Variants in PRKCA observed in about 807,000 individuals in gnomAD.
The protein encoded by PRKCA is protein kinase C alpha type.
Under a neutral mutation model 87.0 loss-of-function variants are expected in PRKCA, and 27 were observed. The ratio of observed to expected loss-of-function variants is 0.31; its 90% CI spans 0.23 to 0.43. PRKCA has a LOEUF of 0.43. PRKCA is among the 20% of genes least tolerant of loss of function. The probability of loss-of-function intolerance (pLI) is 1.00; values close to 1 mark genes in which losing one functional copy is unlikely to be tolerated. For synonymous variants in PRKCA, 329 were observed against 311.1 expected (o/e 1.06, Z -0.61); for missense variants, 518 against 852.3 (o/e 0.61, Z 4.88).
chr17:66,579,362 T>G (rs1419759201), intron 3 of PRKCA, among the ~76,000 whole-genome samples: 1 of 152,136 alleles, frequency 6.6e-6, no homozygotes, highest in Non-Finnish European at 1.5e-5. Context: ...AGAAAGATGT[T>G]TCCGGAACCT....
intron 3 of PRKCA, among the ~76,000 whole-genome samples, chr17:66,588,635 C>CTTTTTTTTTTTTTTT (rs397856363): frequency 2.6e-5 from 1 of 39,108 alleles, no homozygotes; most frequent in Non-Finnish European, 4.5e-5. Flanking sequence ...TTTTGCTTTG[C>CTTTTTTTTTTTTTTT]TTTTTTTTTT....
chr17:66,314,544 G>A (rs1055608617), intron 2 of PRKCA, among the ~76,000 whole-genome samples: 9 of 152,180 alleles, frequency 5.9e-5, no homozygotes, highest in African/African-American at 2.2e-4. Context: ...TAGCGTAAGG[G>A]CAGTTCATCT....
intron 2 of PRKCA, among the ~76,000 whole-genome samples, chr17:66,439,324 G>A (rs936495693): frequency 2.6e-5 from 4 of 152,062 alleles, no homozygotes; most frequent in Non-Finnish European, 5.9e-5. Context: ...GGGACTACAG[G>A]TGTGCACCAC....
At chr17:66,782,132 T>G (rs1312028601) in intron 14 of PRKCA, among the ~76,000 whole-genome samples, 6 of 152,084 alleles carry the variant, frequency 3.9e-5, no homozygotes, top group Non-Finnish European at 5.9e-5. Context: ...CAGGCTGGTC[T>G]CAAACTCTTG....
At chr17:66,662,442 C>T (rs1472970605) in intron 5 of PRKCA, among the ~76,000 whole-genome samples, 1 of 152,136 alleles carries the variant, frequency 6.6e-6, no homozygotes, top group African/African-American at 2.4e-5. Context: ...CAGCTTGAGA[C>T]ATCCGTGGTT....
rs942257055 is a variant in PRKCA at position 66,489,382 on chromosome 17, T to C, written c.206-6819T>C. On this transcript the variant is annotated intron_variant, in intron 2 of 16. Coordinates refer to ENST00000413366, the MANE Select transcript of PRKCA (RefSeq NM_002737.3). ...ATATATATATATATATATATATATATATATATATATATATTTCCCCCCTCA... is the reference window on the plus strand; with the variant it reads ...ATATATATATATATATATATATATACATATATATATATATTTCCCCCCTCA... Among the ~76,000 whole-genome samples, 70 of 119,110 alleles carry C rather than the reference T, an allele frequency of 5.9e-4. 1 individual carries two copies. The highest frequency in any genetic ancestry group is 1.0e-3 in the Non-Finnish European group (56 of 55,802). The allele number at this position is 119,110 out of a possible 152,430, so 78.1% of individuals were successfully genotyped here. A position where few individuals can be genotyped will look rare whatever the true frequency, so the allele number is the denominator to read the frequency against.
intron 2 of PRKCA, among the ~76,000 whole-genome samples, chr17:66,320,154 C>T (rs1478079367): frequency 6.6e-6 from 1 of 152,054 alleles, no homozygotes; most frequent in Non-Finnish European, 1.5e-5. Flanking sequence ...AAGAAAGGAC[C>T]GTAGAGGCTG....
intron 2 of PRKCA, among the ~76,000 whole-genome samples, chr17:66,328,156 T>C (rs939734828): frequency 6.6e-6 from 1 of 152,152 alleles, no homozygotes; most frequent in Non-Finnish European, 1.5e-5. Flanking sequence ...TCCTCCTGCC[T>C]CAGCCTCCAG....
At chr17:66,563,543 G>A (rs1330932187) in intron 3 of PRKCA, among the ~76,000 whole-genome samples, 3 of 152,262 alleles carry the variant, frequency 2.0e-5, no homozygotes, top group Middle Eastern at 3.4e-3. Flanking sequence ...CATCATCTGG[G>A]TATACCATGG....
chr17:66,584,510 G>A (rs1417059075), intron 3 of PRKCA, among the ~76,000 whole-genome samples: 2 of 152,184 alleles, frequency 1.3e-5, no homozygotes, highest in African/African-American at 4.8e-5. Context: ...ACAGGCATGA[G>A]CCACCGTGCC....
intron 3 of PRKCA, among the ~76,000 whole-genome samples, chr17:66,608,991 C>T (rs539255363): frequency 6.6e-6 from 1 of 152,292 alleles, no homozygotes; most frequent in Admixed American, 6.5e-5. Flanking sequence ...AACAGGAAGG[C>T]GAACGAGGCC....
intron 8 of PRKCA, among the ~76,000 whole-genome samples, chr17:66,730,597 C>A (rs926070311): frequency 3.3e-5 from 5 of 152,258 alleles, no homozygotes; most frequent in Admixed American, 3.3e-4. Context: ...TTGGTGCTGG[C>A]GGGAGTTTCC....
chr17:66,754,897 A>G (rs996910877), intron 13 of PRKCA, among the ~76,000 whole-genome samples: 1 of 152,074 alleles, frequency 6.6e-6, no homozygotes, highest in Non-Finnish European at 1.5e-5. Flanking sequence ...CACCTTGATG[A>G]GTTCATTCTC....
Position 66,780,091 on chromosome 17 carries a change from C to T in PRKCA, c.1605+6024C>T, listed in dbSNP as rs924403177. 2.0e-5 allele frequency among the ~76,000 whole-genome samples: 3 copies of T among 152,124 alleles called. No individual in the cohort carries two copies. The South Asian group carries it at 6.2e-4, about 31-fold the overall frequency. ...GAGCCTAGAGAGACTTAACAAAGGC[C>T]GTAAATGTGTTCACATTTTTTTAGG... is the stretch of plus-strand genomic sequence containing the variant. On this transcript the variant is annotated intron_variant, in intron 14 of 16. Coordinates refer to ENST00000413366, the MANE Select transcript of PRKCA (RefSeq NM_002737.3).
intron 2 of PRKCA, among the ~76,000 whole-genome samples, chr17:66,451,130 A>C (rs1333812758): frequency 2.6e-5 from 4 of 152,206 alleles, no homozygotes; most frequent in African/African-American, 9.6e-5. Flanking sequence ...TAATATCTTA[A>C]TTTAAAATGA....
At chr17:66,427,328 G>A (rs1405916054) in intron 2 of PRKCA, among the ~76,000 whole-genome samples, 1 of 152,186 alleles carries the variant, frequency 6.6e-6, no homozygotes, top group Non-Finnish European at 1.5e-5. Flanking sequence ...CACCATGCCT[G>A]GCCTCACTTG....
chr17:66,525,948 A>G (rs1326638521), intron 3 of PRKCA, among the ~76,000 whole-genome samples: 1 of 152,174 alleles, frequency 6.6e-6, no homozygotes, highest in Non-Finnish European at 1.5e-5. Flanking sequence ...AATACTTCCT[A>G]TAAATAAACA....
intron 2 of PRKCA, among the ~76,000 whole-genome samples, chr17:66,377,046 A>G (rs1447247277): frequency 1.4e-5 from 2 of 146,858 alleles, no homozygotes; most frequent in East Asian, 2.1e-4. Flanking sequence ...TTTATTTGAG[A>G]TGGAGTTTCA....
At chr17:66,585,800 G>A (rs939811746) in intron 3 of PRKCA, among the ~76,000 whole-genome samples, 3 of 152,246 alleles carry the variant, frequency 2.0e-5, no homozygotes, top group Admixed American at 6.5e-5. Flanking sequence ...TAAAGTGAAG[G>A]TGACGGTGTC....
Sources: gnomAD v4.1 joint callset for allele counts (sites outside exome capture counted in the v4.1 genomes callset) on GRCh38, gnomAD v4.1.1 for gene constraint, MANE v1.5 for transcripts, NCBI Gene and HGNC (gene_info 2026-07-23, HGNC 2026-07-21) for gene names.